Variants in WBP1L observed in about 807,000 individuals in gnomAD.
WBP1L encodes the protein WW domain binding protein 1 like.
Under a neutral mutation model 33.7 loss-of-function variants are expected in WBP1L, and 17 were observed. The observed-to-expected ratio is 0.50, with a 90% CI of 0.34 to 0.76. The LOEUF (loss-of-function observed/expected upper bound fraction) is 0.76. Ranked by LOEUF, WBP1L falls within the 30% of genes least tolerant of loss-of-function variation. WBP1L has a pLI of 0.01. For synonymous variants in WBP1L, 173 were observed against 190.8 expected, an observed-to-expected ratio of 0.91 and a Z score of 0.77; for missense variants, 389 against 469.4, an observed-to-expected ratio of 0.83 and a Z score of 1.58.
At chr10:102,806,874 C>T (rs1027658180) in intron 2 of WBP1L, among the ~76,000 whole-genome samples, 2 of 152,092 alleles carry the variant, frequency 1.3e-5, no homozygotes, top group Non-Finnish European at 2.9e-5. Flanking sequence ...GAGCTGTCGC[C>T]AGATGCCACA....
intron 1 of WBP1L, among the ~76,000 whole-genome samples, chr10:102,796,049 A>C (rs1029541250): frequency 1.3e-5 from 2 of 152,166 alleles, no homozygotes; most frequent in African/African-American, 4.8e-5. Context: ...ATGGTTTTTC[A>C]GCTATGATGG....
intron 2 of WBP1L, among the ~76,000 whole-genome samples, chr10:102,805,580 G>T (rs980697073): frequency 6.6e-6 from 1 of 151,990 alleles, no homozygotes; most frequent in African/African-American, 2.4e-5. Context: ...ATTACCTAAC[G>T]GGAGAATGTA....
intron 1 of WBP1L, among the ~76,000 whole-genome samples, chr10:102,757,885 C>CG (rs1349503776): frequency 1.2e-4 from 7 of 57,068 alleles, no homozygotes; most frequent in African/African-American, 4.3e-4. Context: ...CTCCCCCCCC[C>CG]CCTTTTTTTT....
At chr10:102,806,886 C>A (rs1843744752) in intron 2 of WBP1L, among the ~76,000 whole-genome samples, 1 of 151,992 alleles carries the variant, frequency 6.6e-6, no homozygotes, top group Non-Finnish European at 1.5e-5. Context: ...GATGCCACAC[C>A]CTAAATGCCA....
At chr10:102,759,521 CTT>C (rs1291340005) in intron 1 of WBP1L, among the ~76,000 whole-genome samples, 1 of 152,186 alleles carries the variant, frequency 6.6e-6, no homozygotes, top group Non-Finnish European at 1.5e-5. Flanking sequence ...CCTGGGTACT[CTT>C]TGCCTACAAA....
chr10:102,757,924 C>T (rs1486338473), intron 1 of WBP1L, among the ~76,000 whole-genome samples: 1 of 115,370 alleles, frequency 8.7e-6, no homozygotes, highest in Admixed American at 1.2e-4. Context: ...CTCACTCTGT[C>T]ACCCAGGCTG....
chr10:102,777,216 C>T (rs148314586), intron 1 of WBP1L, among the ~76,000 whole-genome samples: 10 of 152,180 alleles, frequency 6.6e-5, no homozygotes, highest in South Asian at 2.1e-4. Flanking sequence ...ATGTCTGTAT[C>T]GGAATGTGTA....
chr10:102,810,173 C>T, intron 3 of WBP1L, 119 bp downstream of exon 3: 3 of 1,330,082 alleles, frequency 2.3e-6, no homozygotes, highest in Admixed American at 4.7e-5. Flanking sequence ...CTCTCCCTGC[C>T]CCTCCGTAGA....
intron 1 of WBP1L, among the ~76,000 whole-genome samples, chr10:102,757,009 C>T (rs1446109424): frequency 6.6e-6 from 1 of 151,986 alleles, no homozygotes; most frequent in Non-Finnish European, 1.5e-5. Flanking sequence ...GGCCTCAGCC[C>T]CATGAGTAGC....
rs1167918247 is a variant in WBP1L at position 102,781,869 on chromosome 10, T to TG, written c.91-16116dup. ...CAAGCCCTTTCAGGTTAATTTTTTT[T>TG]GGGGGGGGTGGGGGGAGGGATGGAG... is the stretch of plus-strand genomic sequence containing the variant. On this transcript the variant is annotated intron_variant, in intron 1 of 3. Coordinates refer to ENST00000448841, the MANE Select transcript of WBP1L (RefSeq NM_001083913.2). 3.4e-3 allele frequency among the ~76,000 whole-genome samples: 411 copies of TG among 119,434 alleles called. 1 individual carries two copies. The highest frequency in any genetic ancestry group is 5.1e-3 in the Non-Finnish European group (309 of 60,658). The allele number at this position is 119,434 out of a possible 152,430, so 78.4% of individuals were successfully genotyped here.
At chr10:102,774,687 A>C (rs1208520354) in intron 1 of WBP1L, among the ~76,000 whole-genome samples, 1 of 152,162 alleles carries the variant, frequency 6.6e-6, no homozygotes, top group East Asian at 1.9e-4. Flanking sequence ...ATCATTTCTG[A>C]CTTACATGGA....
At chr10:102,800,397 G>A (rs907598785) in intron 2 of WBP1L, among the ~76,000 whole-genome samples, 2 of 107,150 alleles carry the variant, frequency 1.9e-5, no homozygotes, top group African/African-American at 5.7e-5. Flanking sequence ...CAAAGCCAGG[G>A]CAGGGGGGTG....
At chr10:102,808,664 A>G (rs918937375) in intron 2 of WBP1L, among the ~76,000 whole-genome samples, 1 of 152,130 alleles carries the variant, frequency 6.6e-6, no homozygotes, top group African/African-American at 2.4e-5. Context: ...AATCATTTAC[A>G]CTCTCTAGGG....
At chr10:102,782,187 C>CCCA (rs1418853437) in intron 1 of WBP1L, among the ~76,000 whole-genome samples, 1 of 148,078 alleles carries the variant, frequency 6.8e-6, no homozygotes, top group Non-Finnish European at 1.5e-5. Flanking sequence ...TTTTTGAACC[C>CCCA]CCAACCATCT....
At chr10:102,751,921 A>G (rs1842927688) in intron 1 of WBP1L, among the ~76,000 whole-genome samples, 3 of 152,248 alleles carry the variant, frequency 2.0e-5, no homozygotes, top group South Asian at 2.1e-4. Context: ...ATTAATAAGT[A>G]TAATAATAAT....
At chr10:102,782,301 C>T (rs1474767810) in intron 1 of WBP1L, among the ~76,000 whole-genome samples, 1 of 127,860 alleles carries the variant, frequency 7.8e-6, no homozygotes, top group Non-Finnish European at 1.5e-5. Context: ...GTGTACTGGA[C>T]AGTAACTTAG....
At chr10:102,770,271 G>A (rs1843170015) in intron 1 of WBP1L, among the ~76,000 whole-genome samples, 1 of 152,160 alleles carries the variant, frequency 6.6e-6, no homozygotes, top group Non-Finnish European at 1.5e-5. Context: ...TTAGAACTCT[G>A]AGGCATTTAA....
At chr10:102,751,713 A>G (rs925196569) in intron 1 of WBP1L, among the ~76,000 whole-genome samples, 1 of 152,204 alleles carries the variant, frequency 6.6e-6, no homozygotes, top group African/African-American at 2.4e-5. Flanking sequence ...GGGATTTGGT[A>G]CAGTCAAACC....
chr10:102,798,027 G>A lies in WBP1L; in HGVS notation c.125G>A (p.Ser42Asn). The A allele has an allele frequency of 6.2e-7, 1 of 1,614,128 alleles. No homozygotes were observed. Among genetic ancestry groups the A allele is most frequent in the Non-Finnish European group, 8.5e-7 (1 of 1,180,012 alleles). ...KEACVGTNNQSYICDTGHCCG... is the reference protein window; with the variant it reads ...KEACVGTNNQNYICDTGHCCG... The stretch of plus-strand genomic sequence containing the variant: ...GCCTGTGTGGGTACCAACAATCAAA[G>A]CTACATCTGTGACACAGGACACTGC... The change falls in exon 2 of 4, where the codon AGC (serine) becomes AAC (asparagine). Residue 42 changes from serine to asparagine, a missense_variant. Coordinates refer to ENST00000448841, the MANE Select transcript of WBP1L (RefSeq NM_001083913.2).
Sources: gnomAD v4.1 joint callset for allele counts (sites outside exome capture counted in the v4.1 genomes callset) on GRCh38, gnomAD v4.1.1 for gene constraint, MANE v1.5 for transcripts, NCBI Gene and HGNC (gene_info 2026-07-23, HGNC 2026-07-21) for gene names.